ZNF385D: variants seen among roughly 807,000 people sequenced by gnomAD.
ZNF385D encodes zinc finger protein 659.
In ZNF385D, 15 loss-of-function variants were observed where a neutral mutation model predicts 35.8. The ratio of observed to expected loss-of-function variants is 0.42; its 90% CI spans 0.28 to 0.64. The LOEUF (loss-of-function observed/expected upper bound fraction) is 0.64, where lower values mean the gene tolerates loss of function less well. Among genes scored for constraint, ZNF385D ranks in the 30% least tolerant of loss-of-function variants. ZNF385D has a pLI of 0.23. For synonymous variants in ZNF385D, 212 were observed against 186.8 expected, an observed-to-expected ratio of 1.13 and a Z score of -1.10; for missense variants, 474 against 494.6, an observed-to-expected ratio of 0.96 and a Z score of 0.39.
At chr3:21,719,578 T>C (rs1333718422) in intron 1 of ZNF385D, among the ~76,000 whole-genome samples, 2 of 152,242 alleles carry the variant, frequency 1.3e-5, no homozygotes, top group Non-Finnish European at 2.9e-5. Context: ...TTTAAGATGC[T>C]AATGAGACAT....
chr3:22,167,066 G>C (rs1706382508), intron 3 of ZNF385D, among the ~76,000 whole-genome samples: 1 of 152,202 alleles, frequency 6.6e-6, no homozygotes, highest in Admixed American at 6.5e-5. Flanking sequence ...AAATGCCTAG[G>C]CAGATAGGGG....
chr3:22,316,317 G>T (rs1703882382), intron 2 of ZNF385D, among the ~76,000 whole-genome samples: 1 of 152,200 alleles, frequency 6.6e-6, no homozygotes, highest in Non-Finnish European at 1.5e-5. Flanking sequence ...CTGGCCTTGT[G>T]TTAATCACTT....
At chr3:21,622,712 T>G (rs776586727) in intron 2 of ZNF385D, among the ~76,000 whole-genome samples, 1 of 152,138 alleles carries the variant, frequency 6.6e-6, no homozygotes, top group Non-Finnish European at 1.5e-5. Flanking sequence ...TTGGTAATGA[T>G]TATTATTTAG....
Position 21,744,461 on chromosome 3 carries a change from G to T in ZNF385D, c.22+6434C>A, listed in dbSNP as rs114777771. 6.9e-3 allele frequency among the ~76,000 whole-genome samples: 1,053 copies of T among 152,220 alleles called. 9 individuals carry two copies. The highest frequency in any genetic ancestry group is 0.023 in the African/African-American group (954 of 41,544). On this transcript the variant is annotated intron_variant, in intron 1 of 7. Coordinates refer to ENST00000281523, the MANE Select transcript of ZNF385D (RefSeq NM_024697.3). Reference sequence around the variant, plus strand: ...GGCAAAATTGTATTCATTTTCTTCTGCCATCATAAATGACAACCTTCAAAA... The same window carrying T: ...GGCAAAATTGTATTCATTTTCTTCTTCCATCATAAATGACAACCTTCAAAA...
intron 3 of ZNF385D, chr3:21,877,771 T>C (rs976676776): frequency 2.0e-5 from 3 of 152,090 alleles, no homozygotes; most frequent in Non-Finnish European, 4.4e-5. Context: ...CAATGCGGAC[T>C]CACTTTTAGA....
intron 3 of ZNF385D, among the ~76,000 whole-genome samples, chr3:21,958,166 G>C (rs924675004): frequency 6.6e-6 from 1 of 152,054 alleles, no homozygotes; most frequent in Non-Finnish European, 1.5e-5. Flanking sequence ...ACTAAGCCTT[G>C]TAGATCATAT....
At chr3:21,658,100 A>C (rs2125239533) in intron 2 of ZNF385D, among the ~76,000 whole-genome samples, 1 of 152,116 alleles carries the variant, frequency 6.6e-6, no homozygotes, top group East Asian at 1.9e-4. Flanking sequence ...TCTAAGCTAA[A>C]GTTCTAGAAT....
chr3:21,917,953 T>TA (rs1333377541), intron 3 of ZNF385D, among the ~76,000 whole-genome samples: 2 of 152,180 alleles, frequency 1.3e-5, no homozygotes, highest in Non-Finnish European at 2.9e-5. Flanking sequence ...CCCACAGATA[T>TA]AAAATACTTG....
At chr3:22,075,235 A>G (rs1356261389) in intron 3 of ZNF385D, among the ~76,000 whole-genome samples, 5 of 151,802 alleles carry the variant, frequency 3.3e-5, no homozygotes, top group African/African-American at 1.2e-4. Flanking sequence ...CCACCAGTAG[A>G]TTATTCCCTT....
chr3:22,080,388 T>C (rs1281425958), intron 3 of ZNF385D, among the ~76,000 whole-genome samples: 2 of 152,112 alleles, frequency 1.3e-5, no homozygotes, highest in African/African-American at 4.8e-5. Context: ...CTTTTGTTTT[T>C]AGAGAAAGCA....
chr3:22,146,440 T>TG (rs1253112346), intron 3 of ZNF385D, among the ~76,000 whole-genome samples: 2 of 152,188 alleles, frequency 1.3e-5, no homozygotes, highest in African/African-American at 4.8e-5. Flanking sequence ...CTTTCCCCTT[T>TG]GTCTTAAAGA....
intron 2 of ZNF385D, among the ~76,000 whole-genome samples, chr3:21,615,439 C>T (rs1262938876): frequency 1.3e-5 from 2 of 152,112 alleles, no homozygotes; most frequent in Admixed American, 6.6e-5. Flanking sequence ...TAAATAGTAA[C>T]ACAAAATATA....
Position 21,592,549 on chromosome 3 carries a change from A to AAC in ZNF385D, c.166-27866_166-27865insGT, listed in dbSNP as rs1217137182. Reference sequence around the variant, plus strand: ...AGTAATTTTGTCTTCATGGCAAAAAAAAAAAACCAAAAACAAAAAAAAAAA... The same window carrying AAC: ...AGTAATTTTGTCTTCATGGCAAAAAAACAAAAAACCAAAAACAAAAAAAAAAA... On this transcript the variant is annotated intron_variant, in intron 2 of 7. Coordinates refer to ENST00000281523, the MANE Select transcript of ZNF385D (RefSeq NM_024697.3). Among the ~76,000 whole-genome samples the AAC allele has an allele frequency of 4.8e-4, 53 of 109,362 alleles. 1 individual carries two copies. Among genetic ancestry groups the AAC allele is most frequent in the Middle Eastern group, 4.3e-3 (1 of 234 alleles). 71.7% of individuals were successfully genotyped at this position (109,362 alleles called of 152,430 possible).
intron 3 of ZNF385D, among the ~76,000 whole-genome samples, chr3:22,087,033 G>A (rs1287022492): frequency 1.3e-5 from 2 of 152,092 alleles, no homozygotes; most frequent in Non-Finnish European, 2.9e-5. Flanking sequence ...GCATACATAT[G>A]TAACAAACCT....
chr3:22,097,247 T>C (rs1701682612), intron 3 of ZNF385D, among the ~76,000 whole-genome samples: 1 of 152,058 alleles, frequency 6.6e-6, no homozygotes, highest in African/African-American at 2.4e-5. Flanking sequence ...GGTGGTTTGT[T>C]ACAGAGCAAT....
intron 3 of ZNF385D, among the ~76,000 whole-genome samples, chr3:21,551,747 T>G (rs2062574765): frequency 6.6e-6 from 1 of 151,984 alleles, no homozygotes; most frequent in East Asian, 1.9e-4. Flanking sequence ...GTCAGGAGAT[T>G]TGTCAGGAAA....
chr3:22,068,491 T>TA (rs755975178), intron 3 of ZNF385D, among the ~76,000 whole-genome samples: 10 of 152,202 alleles, frequency 6.6e-5, no homozygotes, highest in Admixed American at 5.9e-4. Context: ...CTTTCCCTCT[T>TA]AAGCTCTACT....
chr3:22,039,112 C>T (rs1412443650), intron 3 of ZNF385D, among the ~76,000 whole-genome samples: 1 of 151,452 alleles, frequency 6.6e-6, no homozygotes, highest in Non-Finnish European at 1.5e-5. Context: ...GTGAACGAGC[C>T]AGAAGTGGAA....
chr3:21,429,393 T>A (rs1176524802), intron 5 of ZNF385D, among the ~76,000 whole-genome samples: 1 of 152,102 alleles, frequency 6.6e-6, no homozygotes, highest in African/African-American at 2.4e-5. Context: ...GAAATGCACA[T>A]GATTTTTAAT....
Sources: allele counts gnomAD v4.1 joint callset (sites outside exome capture counted in the v4.1 genomes callset), GRCh38; gene constraint gnomAD v4.1.1; transcripts MANE v1.5; gene names NCBI Gene and HGNC (gene_info 2026-07-23, HGNC 2026-07-21).